SH3PXD2A: variants seen among roughly 807,000 people sequenced by gnomAD.
SH3PXD2A encodes SH3 and PX domain-containing protein 2A.
Under a neutral mutation model 115.2 loss-of-function variants are expected in SH3PXD2A, and 32 were observed. That is an observed-to-expected ratio of 0.28 (90% CI 0.21 to 0.37). The LOEUF is 0.37. Ranked by LOEUF, SH3PXD2A falls within the 10% of genes least tolerant of loss-of-function variation. The pLI is 1.00. For missense variants in SH3PXD2A, 1,328 were observed against 1,498.7 expected, an observed-to-expected ratio of 0.89 and a Z score of 1.88; for synonymous variants, 610 against 629.1, an observed-to-expected ratio of 0.97 and a Z score of 0.45.
At position 103,620,872 on chromosome 10, in the gene SH3PXD2A, G is replaced by A. The variant is rs2036592567; in HGVS notation, c.802+1598C>T. ...TGGTGCAAGGCGTTGTGTGTATGAA[G>A]CTGTATGTGCCCTTGTGAGTGTTGC... On this transcript the variant is annotated intron_variant, in intron 10 of 14. Transcript: ENST00000369774. This position sits in a 1 kb window ranked among gnomAD's most constrained non-coding sequence, Gnocchi z 5.3. Among the ~76,000 whole-genome samples the A allele has an allele frequency of 6.6e-6, 1 of 152,206 alleles. No individual in the cohort carries two copies. Among genetic ancestry groups the A allele is most frequent in the Admixed American group, 6.5e-5 (1 of 15,282 alleles).
At position 103,776,157 on chromosome 10, in the gene SH3PXD2A, C is replaced by A. The variant is rs142512055; in HGVS notation, c.154-8988G>T. 2.2e-4 allele frequency among the ~76,000 whole-genome samples: 33 copies of A among 152,270 alleles called. No individual in the cohort carries two copies. The East Asian group carries it at 5.4e-3, about 25-fold the overall frequency. On this transcript the variant is annotated intron_variant, in intron 2 of 14. Coordinates refer to ENST00000369774, the MANE Select transcript of SH3PXD2A (RefSeq NM_001394015.1). ...ATTCCAGCACTCTGGGAGGCCAAGG[C>A]AGGAGGATTGCTTAAGCCCAGGAGT...
intron 8 of SH3PXD2A, among the ~76,000 whole-genome samples, chr10:103,657,961 AG>A (rs1354088554): frequency 2.6e-5 from 4 of 152,186 alleles, no homozygotes; most frequent in Non-Finnish European, 5.9e-5. Context: ...ACCTCTGTTG[AG>A]GGGAGAGATC....
intron 2 of SH3PXD2A, among the ~76,000 whole-genome samples, chr10:103,791,515 C>A (rs1050060712): frequency 1.6e-4 from 24 of 152,208 alleles, no homozygotes; most frequent in Non-Finnish European, 2.9e-5. Context: ...TGTCCACAGG[C>A]TCTGGCTGGG....
intron 1 of SH3PXD2A, among the ~76,000 whole-genome samples, chr10:103,851,215 C>G (rs1842894106): frequency 6.6e-6 from 1 of 151,774 alleles, no homozygotes; most frequent in Admixed American, 6.6e-5. Flanking sequence ...CATGTAGCTC[C>G]CAGGACCAAG....
intron 1 of SH3PXD2A, among the ~76,000 whole-genome samples, chr10:103,840,617 G>A (rs565470635): frequency 3.3e-5 from 5 of 152,330 alleles, no homozygotes; most frequent in South Asian, 4.1e-4. Flanking sequence ...AAGAGGTTTC[G>A]CGAAGGACTC....
intron 4 of SH3PXD2A, among the ~76,000 whole-genome samples, chr10:103,725,364 G>C (rs2038228146): frequency 6.6e-6 from 1 of 152,146 alleles, no homozygotes; most frequent in African/African-American, 2.4e-5. Context: ...TCTTAGAAGA[G>C]TGGGCAGGAG....
At chr10:103,812,560 C>A (rs2039280786) in intron 1 of SH3PXD2A, among the ~76,000 whole-genome samples, 2 of 152,186 alleles carry the variant, frequency 1.3e-5, no homozygotes, top group Admixed American at 1.3e-4. Context: ...GGCCTACTGA[C>A]CCCGACACAC....
rs369556664 is a variant in SH3PXD2A at position 103,806,924 on chromosome 10, C to T, written c.73-5562G>A. Among the ~76,000 whole-genome samples the T allele has an allele frequency of 2.8e-4, 42 of 152,334 alleles. 2 individuals are homozygous for T. In the South Asian group the frequency reaches 8.1e-3, roughly 29 times the overall value. ...ACCACAGACACTGCGTGGGAACTCT[C>T]GCTACACACCCAGCGCAACGCTCTG... is the stretch of plus-strand genomic sequence containing the variant. On this transcript the variant is annotated intron_variant, in intron 1 of 14. Transcript: ENST00000369774.
chr10:103,674,560 G>T (rs930787260), intron 6 of SH3PXD2A, among the ~76,000 whole-genome samples: 2 of 152,198 alleles, frequency 1.3e-5, no homozygotes, highest in Non-Finnish European at 2.9e-5. Flanking sequence ...GGTGGCTCAC[G>T]CCTGTAATCC....
chr10:103,648,772 T>C (rs2037075045), intron 8 of SH3PXD2A, among the ~76,000 whole-genome samples: 1 of 152,222 alleles, frequency 6.6e-6, no homozygotes, highest in East Asian at 1.9e-4. Flanking sequence ...CAAGATCAGA[T>C]CGTCTTTTGC....
intron 6 of SH3PXD2A, among the ~76,000 whole-genome samples, chr10:103,677,446 G>A (rs533793536): frequency 1.3e-3 from 195 of 152,294 alleles, no homozygotes; most frequent in African/African-American, 4.3e-3. Flanking sequence ...TAGGGCTCAC[G>A]GAGCCTCAGG....
intron 6 of SH3PXD2A, among the ~76,000 whole-genome samples, chr10:103,676,990 G>A (rs921506679): frequency 5.3e-5 from 8 of 152,300 alleles, no homozygotes; most frequent in Admixed American, 5.2e-4. Context: ...CAGCAGAGAG[G>A]CTGGGCAGTG....
chr10:103,831,801 G>A (rs2039484980), intron 1 of SH3PXD2A, among the ~76,000 whole-genome samples: 1 of 152,124 alleles, frequency 6.6e-6, no homozygotes, highest in Non-Finnish European at 1.5e-5. Context: ...ATGGCAGTTA[G>A]TAGTTATTCT....
At chr10:103,632,591 G>A (rs1390747237) in intron 8 of SH3PXD2A, among the ~76,000 whole-genome samples, 1 of 139,592 alleles carries the variant, frequency 7.2e-6, no homozygotes, top group Non-Finnish European at 1.6e-5. Context: ...CCACCTAGGT[G>A]GTATTTGAGC....
chr10:103,672,534 G>T (rs1255612032), intron 6 of SH3PXD2A, among the ~76,000 whole-genome samples: 1 of 152,242 alleles, frequency 6.6e-6, no homozygotes, highest in African/African-American at 2.4e-5. Context: ...GTCCAAAATA[G>T]CGGATGATTC....
rs202220340 is a variant in SH3PXD2A, at chr10:103,661,163, C to G, written c.473-49G>C. ...GTGAGCCAGCGGCCAGCCATGGCCC[C>G]GCGGCCAGGGCGCCCCCTGTCCATC... On this transcript the variant is annotated intron_variant, in intron 7 of 14. Coordinates refer to ENST00000369774, the MANE Select transcript of SH3PXD2A (RefSeq NM_001394015.1). 3.4e-4 allele frequency: 546 copies of G among 1,594,406 alleles called. 5 individuals carry two copies. The East Asian group carries it at 0.011, about 31-fold the overall frequency.
chr10:103,837,364 A>G (rs74157358), intron 1 of SH3PXD2A, among the ~76,000 whole-genome samples: 2 of 152,068 alleles, frequency 1.3e-5, no homozygotes, highest in South Asian at 4.1e-4. Flanking sequence ...GAAGTTTGCT[A>G]TCCTAGTTGG....
Position 103,675,771 on chromosome 10 carries a change from G to A in SH3PXD2A, c.428-7119C>T, listed in dbSNP as rs181546524. Among the ~76,000 whole-genome samples the A allele has an allele frequency of 1.2e-4, 19 of 152,308 alleles. No homozygotes were observed. In the East Asian group the frequency reaches 3.7e-3, roughly 29 times the overall value. On this transcript the variant is annotated intron_variant, in intron 6 of 14. Coordinates refer to ENST00000369774, the MANE Select transcript of SH3PXD2A (RefSeq NM_001394015.1). Reference sequence around the variant, plus strand: ...AAAAGTTAAGGCTCTGGCCTTGTGCGGTGGCTCACGCCTGTAACCTTAGCA... The same window carrying A: ...AAAAGTTAAGGCTCTGGCCTTGTGCAGTGGCTCACGCCTGTAACCTTAGCA...
chr10:103,720,639 C>T (rs1313765477), intron 5 of SH3PXD2A, among the ~76,000 whole-genome samples: 1 of 152,230 alleles, frequency 6.6e-6, no homozygotes, highest in Non-Finnish European at 1.5e-5. Flanking sequence ...TAAGCCACTC[C>T]ACAGTCGCCC....
Sources: gnomAD v4.1 joint callset for allele counts (sites outside exome capture counted in the v4.1 genomes callset) on GRCh38, gnomAD v4.1.1 for gene constraint, Gnocchi (gnomAD v3.1) non-coding constraint, MANE v1.5 for transcripts, NCBI Gene and HGNC (gene_info 2026-07-23, HGNC 2026-07-21) for gene names.